TLCD4: variants seen among roughly 807,000 people sequenced by gnomAD.
TLCD4 encodes TLC domain containing 4, also known as TLC domain-containing protein 4.
TLCD4 carries 7 observed loss-of-function variants against 24.2 expected under a neutral mutation model. The observed-to-expected ratio is 0.29, with a 90% CI of 0.16 to 0.54. The LOEUF is 0.54. Among genes scored for constraint, TLCD4 ranks in the 20% least tolerant of loss-of-function variants. The probability of loss-of-function intolerance (pLI) is 0.95; values close to 1 mark genes in which losing one functional copy is unlikely to be tolerated. For synonymous variants in TLCD4, 103 were observed against 106.4 expected (o/e 0.97, Z 0.20); for missense variants, 259 against 313.9 (o/e 0.82, Z 1.32).
chr1:95,132,095 G>A (rs1676911758), intron 1 of TLCD4, among the ~76,000 whole-genome samples: 2 of 152,158 alleles, frequency 1.3e-5, no homozygotes, highest in African/African-American at 4.8e-5. Context: ...AGAAGCCAGG[G>A]CCATGCCCTT....
At chr1:95,120,379 A>G (rs1209061770) in intron 1 of TLCD4, 1 of 152,240 alleles carries the variant, frequency 6.6e-6, no homozygotes, top group Non-Finnish European at 1.5e-5. Flanking sequence ...ACACAAAGAA[A>G]TGGAGGCCTA....
rs1426225641 is a variant in TLCD4 at position 95,195,719 on chromosome 1, G to A, written c.*3851G>A. The stretch of plus-strand genomic sequence containing the variant: ...AATACATTAAAGCTACTGAAAGTGA[G>A]TTCTGATGCAAAACACATGTGAGGT... On this transcript the variant is annotated 3_prime_UTR_variant, in exon 7 of 7. Coordinates refer to ENST00000370203, the MANE Select transcript of TLCD4 (RefSeq NM_152487.3). 6.6e-6 allele frequency: 1 copy of A among 152,184 alleles called. No homozygotes were observed. The highest frequency in any genetic ancestry group is 6.5e-5 in the Admixed American group (1 of 15,272). 9.4% of individuals were successfully genotyped at this position (152,184 alleles called of 1,614,324 possible).
chr1:95,187,141 A>C (rs1678853799), intron 6 of TLCD4, among the ~76,000 whole-genome samples: 2 of 152,216 alleles, frequency 1.3e-5, no homozygotes, highest in South Asian at 4.1e-4. Context: ...ATAGTTTTAC[A>C]TTTACAGAAA....
At chr1:95,151,545 T>C in intron 5 of TLCD4, 126 bp downstream of exon 5, 1 of 1,124,466 alleles carries the variant, frequency 8.9e-7, no homozygotes, top group Admixed American at 2.8e-5. Flanking sequence ...CATTCAGGGA[T>C]TGCTTTTGTG....
intron 5 of TLCD4, among the ~76,000 whole-genome samples, chr1:95,162,078 C>G (rs984534858): frequency 5.9e-5 from 9 of 152,184 alleles, no homozygotes; most frequent in Admixed American, 6.5e-5. Flanking sequence ...TCTCGTTGAT[C>G]TGTCTAATGT....
At position 95,150,240 on chromosome 1, in the gene TLCD4, CTA is replaced by C. The variant is rs1188739695; in HGVS notation, c.280_281del (p.Ile94CysfsTer8). The C allele has an allele frequency of 1.2e-6, 2 of 1,608,092 alleles. No homozygotes were observed. Among genetic ancestry groups the C allele is most frequent in the Non-Finnish European group, 1.7e-6 (2 of 1,178,928 alleles). ...CCATCACTTGCAAACGTGAATATTG[CTA>C]TTGCCTCAGGCTACCTCATTTCTGG... On this transcript the variant is annotated frameshift_variant, in exon 4 of 7. Transcript: ENST00000370203. LOFTEE classifies it high-confidence loss of function.
At chr1:95,142,289 ATCT>A (rs1251761381) in intron 1 of TLCD4, among the ~76,000 whole-genome samples, 97 of 98,364 alleles carry the variant, frequency 9.9e-4, no homozygotes, top group Admixed American at 1.4e-3. Context: ...TTTTATAAAA[ATCT>A]TTTTTTTTTT....
chr1:95,180,813 T>G (rs2101006781), intron 6 of TLCD4, among the ~76,000 whole-genome samples: 1 of 152,354 alleles, frequency 6.6e-6, no homozygotes, highest in South Asian at 2.1e-4. Context: ...AAATACCTCT[T>G]CAGTACCTAA....
the TLCD4 span, among the ~76,000 whole-genome samples, chr1:95,100,499 C>T: frequency 6.6e-6 from 1 of 152,066 alleles, no homozygotes; most frequent in African/African-American, 2.4e-5. Context: ...CACTTGAACC[C>T]AGGAGGCAGA....
Position 95,124,106 on chromosome 1 carries a change from T to C in TLCD4, c.-12+6489T>C, listed in dbSNP as rs187963296. On this transcript the variant is annotated intron_variant, in intron 1 of 6. Transcript: ENST00000370203. ...GATTAGGCATGCACATTGACTATAG[T>C]ATCTTTAGTTTTATTTATATTCCCC... Among the ~76,000 whole-genome samples the C allele has an allele frequency of 7.5e-3, 1,146 of 152,358 alleles. 11 individuals are homozygous for C. Among genetic ancestry groups the C allele is most frequent in the South Asian group, 0.031 (149 of 4,832 alleles).
chr1:95,144,133 TATTTC>T, intron 2 of TLCD4, 77 bp downstream of exon 2: 1 of 1,256,302 alleles, frequency 8.0e-7, no homozygotes, highest in Non-Finnish European at 1.0e-6. Context: ...TTCAAAAAAG[TATTTC>T]ATTTAGGATC....
the TLCD4 span, among the ~76,000 whole-genome samples, chr1:95,100,436 A>G: frequency 6.6e-6 from 1 of 152,114 alleles, no homozygotes; most frequent in Non-Finnish European, 1.5e-5. Flanking sequence ...TTAGCTGGGC[A>G]TGATGGTGCA....
At chr1:95,094,033 A>G in the TLCD4 span, among the ~76,000 whole-genome samples, 2 of 152,188 alleles carry the variant, frequency 1.3e-5, no homozygotes, top group Non-Finnish European at 2.9e-5. Flanking sequence ...AAAAATGCAT[A>G]AAAAATAATG....
the TLCD4 span, among the ~76,000 whole-genome samples, chr1:95,104,381 C>T: frequency 1.3e-5 from 2 of 152,062 alleles, no homozygotes; most frequent in African/African-American, 2.4e-5. Flanking sequence ...ATGCGTTTAA[C>T]GGGCCAGGCA....
the TLCD4 span, among the ~76,000 whole-genome samples, chr1:95,109,106 T>G: frequency 6.6e-6 from 1 of 152,114 alleles, no homozygotes; most frequent in African/African-American, 2.4e-5. Flanking sequence ...GGTGGGCAGA[T>G]AGCTTGAGCT....
At chr1:95,173,978 A>G (rs143731240) in intron 6 of TLCD4, 89 bp downstream of exon 6, 79 of 1,537,008 alleles carry the variant, frequency 5.1e-5, no homozygotes, top group Admixed American at 3.7e-4. Flanking sequence ...TCAAGTTACT[A>G]TATAAAAGAT....
At position 95,192,153 on chromosome 1, in the gene TLCD4, GC is replaced by G. The variant is rs995973304; in HGVS notation, c.*286del. 2.7e-6 allele frequency: 1 copy of G among 377,168 alleles called. No homozygotes were observed. The highest frequency in any genetic ancestry group is 2.2e-5 in the African/African-American group (1 of 46,300). The allele number at this position is 377,168 out of a possible 1,614,324, so 23.4% of individuals were successfully genotyped here. On this transcript the variant is annotated 3_prime_UTR_variant, in exon 7 of 7. Transcript: ENST00000370203. ...TCTACTAAAAATACAAAAAAAAGTAGCTGGGCGTGGTGGTTGGCGCCTGTAA... is the reference window on the plus strand; with the variant it reads ...TCTACTAAAAATACAAAAAAAAGTAGTGGGCGTGGTGGTTGGCGCCTGTAA...
intron 5 of TLCD4, among the ~76,000 whole-genome samples, chr1:95,155,042 G>C (rs892866482): frequency 6.6e-6 from 1 of 151,886 alleles, no homozygotes. Flanking sequence ...GTGTAGTGTA[G>C]TATAGTAGGG....
At chr1:95,144,149 T>C in intron 2 of TLCD4, 93 bp downstream of exon 2, 1 of 1,229,198 alleles carries the variant, frequency 8.1e-7, no homozygotes, top group Non-Finnish European at 1.0e-6. Flanking sequence ...ATTTAGGATC[T>C]AATGTAAGGC....
Sources: allele counts gnomAD v4.1 joint callset (sites outside exome capture counted in the v4.1 genomes callset), GRCh38; gene constraint gnomAD v4.1.1; transcripts MANE v1.5; gene names NCBI Gene and HGNC (gene_info 2026-07-23, HGNC 2026-07-21).